Variants in TMBIM1 observed in about 807,000 individuals in gnomAD.
TMBIM1 encodes the protein protein lifeguard 3.
TMBIM1 carries 34 observed loss-of-function variants against 45.1 expected under a neutral mutation model. The observed-to-expected ratio is 0.75, with a 90% confidence interval of 0.57 to 1.00. The LOEUF is 1.00. Ranked by LOEUF, TMBIM1 falls within the 50% of genes least tolerant of loss-of-function variation. The pLI, the probability that TMBIM1 is intolerant of heterozygous loss-of-function variation, is 0.00. For synonymous variants in TMBIM1, 157 were observed against 153.5 expected, an observed-to-expected ratio of 1.02 and a Z score of -0.17; for missense variants, 374 against 402.4, an observed-to-expected ratio of 0.93 and a Z score of 0.60.
intron 1 of TMBIM1, among the ~76,000 whole-genome samples, chr2:218,283,216 C>A (rs1040169281): frequency 6.6e-6 from 1 of 152,188 alleles, no homozygotes; most frequent in African/African-American, 2.4e-5. Context: ...TGGAAGGGAC[C>A]TCAGGGCCAT....
At position 218,279,341 on chromosome 2, in the gene TMBIM1, T is replaced by C. The variant is rs1383781696; in HGVS notation, c.316A>G (p.Ile106Val). Residue 106 changes from isoleucine to valine, a missense_variant, in exon 4 of 12, where the codon ATC becomes GTC. Coordinates refer to ENST00000258412, the MANE Select transcript of TMBIM1 (RefSeq NM_022152.6). The part of the protein sequence containing the change: ...HTFIRKVYSI[I>V]SVQLLITVAI... ...ACAGTGATGAGCAGCTGCACGGAGATGATGGAGTAAACCTGGACACAGACG... is the reference window on the plus strand; with the variant it reads ...ACAGTGATGAGCAGCTGCACGGAGACGATGGAGTAAACCTGGACACAGACG... The C allele has an allele frequency of 3.2e-6, 5 of 1,583,326 alleles. No individual in the cohort carries two copies. The highest frequency in any genetic ancestry group is 1.4e-5 in the African/African-American group (1 of 73,966).
chr2:218,279,555 C>A, intron 3 of TMBIM1: 2 of 537,284 alleles, frequency 3.7e-6, no homozygotes, highest in Non-Finnish European at 6.6e-6. Context: ...TGCCATCTCC[C>A]CTCCTGTCCA....
At chr2:218,290,644 C>A (rs932909548) in intron 1 of TMBIM1, among the ~76,000 whole-genome samples, 2 of 152,266 alleles carry the variant, frequency 1.3e-5, no homozygotes, top group Non-Finnish European at 2.9e-5. Context: ...CCTAACCTCA[C>A]CTCTGTGCAA....
chr2:218,284,564 T>C (rs1425568814), intron 1 of TMBIM1, among the ~76,000 whole-genome samples: 3 of 152,230 alleles, frequency 2.0e-5, no homozygotes, highest in African/African-American at 4.8e-5. Flanking sequence ...CCTGCCTCTC[T>C]TGCCCCTCCC....
In TMBIM1 at chr2:218,282,127, G is replaced by A. The variant is rs751406824; in HGVS notation, c.15C>T (p.Ser5=). The change falls in exon 2 of 12, where the codon AGC becomes AGT. Residue 5 remains serine, a synonymous_variant. Transcript: ENST00000258412. The part of the protein sequence containing the change: MSNP[S]APPPYEDRNP... ...TGCGGTCTTCATATGGTGGTGGGGC[G>A]CTGGGGTTGGACATGGCTGCTCACG... 6.6e-6 allele frequency: 10 copies of A among 1,514,148 alleles called. No homozygotes were observed. In the South Asian group the frequency reaches 1.0e-4, roughly 16 times the overall value. 93.8% of individuals were successfully genotyped at this position (1,514,148 alleles called of 1,614,324 possible).
chr2:218,277,840 C>T lies in TMBIM1; in HGVS notation c.513+95G>A, dbSNP rs1358878249. 20 of 1,576,066 alleles carry T rather than the reference C, an allele frequency of 1.3e-5. No homozygotes were observed. The East Asian group carries it at 2.5e-4, about 19-fold the overall frequency. On this transcript the variant is annotated intron_variant, in intron 7 of 11. Coordinates refer to ENST00000258412, the MANE Select transcript of TMBIM1 (RefSeq NM_022152.6). ...GGCCCAGATAAGGTGGAGGAGACAG[C>T]CAGGACATCCTTCTGAAATGGGTCC...
In TMBIM1 at chr2:218,275,419, A is replaced by G. The variant is rs1691089821; in HGVS notation, c.*56T>C. 2 of 1,574,974 alleles carry G rather than the reference A, an allele frequency of 1.3e-6. No homozygotes were observed. Among genetic ancestry groups the G allele is most frequent in the Middle Eastern group, 3.6e-4 (2 of 5,632 alleles). On this transcript the variant is annotated 3_prime_UTR_variant, in exon 12 of 12. Coordinates refer to ENST00000258412, the MANE Select transcript of TMBIM1 (RefSeq NM_022152.6). ...AGCCCAGACCACAGTCATAGGGCCC[A>G]GCCCTCTAGCTTGGAAGGGAGAGCC...
chr2:218,276,773 T>C (rs530899120), intron 10 of TMBIM1, among the ~76,000 whole-genome samples: 1 of 152,210 alleles, frequency 6.6e-6, no homozygotes, highest in East Asian at 1.9e-4. Flanking sequence ...AGTGCAGTGA[T>C]GCAGTCCAGG....
chr2:218,279,324 G>A lies in TMBIM1; in HGVS notation c.333C>T (p.Leu111=), dbSNP rs1691606011. Residue 111 remains leucine (L), a synonymous_variant, in exon 4 of 12, where the codon CTC becomes CTT. Transcript: ENST00000258412. ...AGATAGCAATGATGGCCACAGTGAT[G>A]AGCAGCTGCACGGAGATGATGGAGT... The part of the protein sequence containing the change: ...KVYSIISVQL[L]ITVAIIAIFT... The A allele has an allele frequency of 1.3e-6, 2 of 1,588,228 alleles. No individual in the cohort carries two copies. The highest frequency in any genetic ancestry group is 1.8e-5 in the Admixed American group (1 of 55,424).
chr2:218,278,957 G>T (rs1331512700), intron 5 of TMBIM1, 81 bp downstream of exon 5: 3 of 1,548,462 alleles, frequency 1.9e-6, no homozygotes, highest in Non-Finnish European at 2.7e-6. Context: ...TTTTGATCCT[G>T]CCCTGAGCAA....
Position 218,280,245 on chromosome 2 carries a change from A to G in TMBIM1, c.203-119T>C. The G allele has an allele frequency of 6.7e-6, 5 of 745,944 alleles. No homozygotes were observed. In the South Asian group the frequency reaches 8.1e-5, roughly 12 times the overall value. The allele number at this position is 745,944 out of a possible 1,614,324, so 46.2% of individuals were successfully genotyped here. On this transcript the variant is annotated intron_variant, in intron 2 of 11. Transcript: ENST00000258412. ...CCAGCCAAAAGACAAGTGTTATAAC[A>G]GGAACTCTTCTCCCAAGCTGGGGTC... is the stretch of plus-strand genomic sequence containing the variant.
chr2:218,277,375 A>G lies in TMBIM1; in HGVS notation c.630T>C (p.Phe210=). 1 of 1,614,144 alleles carries G rather than the reference A, an allele frequency of 6.2e-7. No homozygotes were observed. ...VVSISVTIFC[F]QTKVDFTSCT... Reference sequence around the variant, plus strand: ...CCCTCCATGCCCTCACCTTGGTCTGAAAGCAGAAGATGGTGACTGAAATGG... The same window carrying G: ...CCCTCCATGCCCTCACCTTGGTCTGGAAGCAGAAGATGGTGACTGAAATGG... The change falls in exon 9 of 12, where the codon TTT becomes TTC. Residue 210 remains phenylalanine (F), a synonymous_variant. Coordinates refer to ENST00000258412, the MANE Select transcript of TMBIM1 (RefSeq NM_022152.6).
At chr2:218,284,759 T>C (rs1393726189) in intron 1 of TMBIM1, among the ~76,000 whole-genome samples, 1 of 152,186 alleles carries the variant, frequency 6.6e-6, no homozygotes, top group African/African-American at 2.4e-5. Context: ...CTAGTAATAG[T>C]ACCCTCCACG....
rs138683852 is a variant in TMBIM1, at chr2:218,276,915, G to A, written c.735+89C>T. 386 of 1,086,976 alleles carry A rather than the reference G, an allele frequency of 3.6e-4. 4 individuals carry two copies. The Middle Eastern group carries it at 3.8e-3, about 11-fold the overall frequency. 67.3% of individuals were successfully genotyped at this position (1,086,976 alleles called of 1,614,324 possible). On this transcript the variant is annotated intron_variant, in intron 10 of 11. Coordinates refer to ENST00000258412, the MANE Select transcript of TMBIM1 (RefSeq NM_022152.6). ...GTTCTGGAGGTCAGAGCCTGCCCCG[G>A]GGACCTTTGGGGCCTGCGAGACCAT...
At chr2:218,278,202 C>T in intron 6 of TMBIM1, 2 of 613,138 alleles carry the variant, frequency 3.3e-6, no homozygotes, top group Non-Finnish European at 2.9e-6. Flanking sequence ...GATTGGTTTG[C>T]AACTCTTAAA....
chr2:218,278,495 G>A lies in TMBIM1; in HGVS notation c.473+20C>T. 2.5e-6 allele frequency: 4 copies of A among 1,613,436 alleles called. No homozygotes were observed. Among genetic ancestry groups the A allele is most frequent in the Non-Finnish European group, 3.4e-6 (4 of 1,179,370 alleles). On this transcript the variant is annotated intron_variant, in intron 6 of 11. Coordinates refer to ENST00000258412, the MANE Select transcript of TMBIM1 (RefSeq NM_022152.6). The stretch of plus-strand genomic sequence containing the variant: ...CAATCCCTGTCACCCCTCTCACTGT[G>A]TTAAGTCTCTGGGACTCACCTGGGT...
Position 218,277,942 on chromosome 2 carries a change from G to T in TMBIM1, c.506C>A (p.Thr169Asn). The change falls in exon 7 of 12, where the codon ACC becomes AAC. Residue 169 changes from threonine to asparagine, a missense_variant. Transcript: ENST00000258412. ...CCACCCTTCTAGACTTACAAAAAGG[G>T]TCAGCAGAATGATGTTCCATGGGAA... ...RRFPWNIILL[T>N]LFTFAMGFMT... 6.2e-7 allele frequency: 1 copy of T among 1,614,184 alleles called. No individual in the cohort carries two copies. Among genetic ancestry groups the T allele is most frequent in the East Asian group, 2.2e-5 (1 of 44,882 alleles).
intron 1 of TMBIM1, among the ~76,000 whole-genome samples, chr2:218,287,710 CA>C (rs1381874867): frequency 1.3e-5 from 2 of 150,322 alleles, no homozygotes; most frequent in African/African-American, 4.9e-5. Context: ...AACCCCATCT[CA>C]AAAAAAAAGA....
Position 218,275,519 on chromosome 2 carries a change from AGAT to A in TMBIM1, c.889_891del (p.Ile297del). 6.2e-7 allele frequency: 1 copy of A among 1,614,158 alleles called. No homozygotes were observed. ...AGCTGCAGCACAAAGGTGAAGATGT[AGAT>A]GATGTCTGTGTAAATCTGCAGGGCG... On this transcript the variant is annotated inframe_deletion, in exon 12 of 12. Coordinates refer to ENST00000258412, the MANE Select transcript of TMBIM1 (RefSeq NM_022152.6).
Sources: allele counts gnomAD v4.1 joint callset (sites outside exome capture counted in the v4.1 genomes callset), GRCh38; gene constraint gnomAD v4.1.1; transcripts MANE v1.5; gene names NCBI Gene and HGNC (gene_info 2026-07-23, HGNC 2026-07-21).